Variants in SLC30A3 observed in about 807,000 individuals in gnomAD.
The protein encoded by SLC30A3 is solute carrier family 30 member 3.
Under a neutral mutation model 35.6 loss-of-function variants are expected in SLC30A3, and 20 were observed. The observed-to-expected ratio is 0.56, with a 90% CI of 0.39 to 0.82. SLC30A3 has a LOEUF of 0.82. Among genes scored for constraint, SLC30A3 ranks in the 40% least tolerant of loss-of-function variants. The probability of loss-of-function intolerance (pLI) is 0.00; values close to 1 mark genes in which losing one functional copy is unlikely to be tolerated. For missense variants in SLC30A3, 401 were observed against 530.6 expected (o/e 0.76, Z 2.40); for synonymous variants, 217 against 224.7 (o/e 0.97, Z 0.31).
chr2:27,265,314 C>T (rs866427781), upstream of SLC30A3, among the ~76,000 whole-genome samples: 4 of 152,214 alleles, frequency 2.6e-5, no homozygotes, highest in African/African-American at 9.6e-5. This position sits in a 1 kb window ranked among gnomAD's most constrained non-coding sequence, Gnocchi z 5.9. Context: ...AAACCGAGGG[C>T]GCCGGCGGTG....
rs868456261 is a variant in SLC30A3, at chr2:27,262,317, G to T, written c.95+495C>A. Among the ~76,000 whole-genome samples the T allele has an allele frequency of 6.6e-6, 1 of 151,786 alleles. No individual in the cohort carries two copies. The highest frequency in any genetic ancestry group is 6.6e-5 in the Admixed American group (1 of 15,226). On this transcript the variant is annotated intron_variant, in intron 1 of 7. Coordinates refer to ENST00000233535, the MANE Select transcript of SLC30A3 (RefSeq NM_003459.5). The surrounding 1 kb of genome is among the most constrained non-coding windows in gnomAD (Gnocchi z 7.5). ...CGCCCCCCAGGGGCCCGCAAGACCC[G>T]CGCGGAGCCCGGCCCATCCTCGGGC...
chr2:27,255,141 G>A lies in SLC30A3; in HGVS notation c.*171C>T, dbSNP rs763496798. 1 of 1,563,208 alleles carries A rather than the reference G, an allele frequency of 6.4e-7. No individual in the cohort carries two copies. The highest frequency in any genetic ancestry group is 8.6e-7 in the Non-Finnish European group (1 of 1,161,602). ...CCACTCCCCGCCACACTTTGGTCTT[G>A]CCCACTGGGGCTGGGGCTGGGGCTG... is the stretch of plus-strand genomic sequence containing the variant. On this transcript the variant is annotated 3_prime_UTR_variant, in exon 8 of 8. Transcript: ENST00000233535. This position sits in a 1 kb window ranked among gnomAD's most constrained non-coding sequence, Gnocchi z 5.2.
At chr2:27,275,572 G>A (rs1316681372), upstream of SLC30A3, 1 of 304,694 alleles carries the variant, frequency 3.3e-6, no homozygotes, top group Non-Finnish European at 6.4e-6. Flanking sequence ...CCAGACCCAG[G>A]TGAGGAGTCG....
In SLC30A3 at chr2:27,255,011, G is replaced by C. The variant is rs1676755506; in HGVS notation, c.*301C>G. The C allele has an allele frequency of 3.2e-6, 4 of 1,236,416 alleles. No homozygotes were observed. Among genetic ancestry groups the C allele is most frequent in the Non-Finnish European group, 4.2e-6 (4 of 948,548 alleles). 76.6% of individuals were successfully genotyped at this position (1,236,416 alleles called of 1,614,324 possible). ...GGAAAGGATGTTCGTGGCTCCACAT[G>C]AACCATGGGGAGATGGCACCACAGG... On this transcript the variant is annotated 3_prime_UTR_variant, in exon 8 of 8. Transcript: ENST00000233535. The surrounding 1 kb of genome is among the most constrained non-coding windows in gnomAD (Gnocchi z 5.2).
At position 27,258,382 on chromosome 2, in the gene SLC30A3, T is replaced by C; in HGVS notation, c.278-75A>G. On this transcript the variant is annotated intron_variant, in intron 2 of 7. Transcript: ENST00000233535. The surrounding 1 kb of genome is among the most constrained non-coding windows in gnomAD (Gnocchi z 4.0). ...AGTGTGTATAGGCATGGAAAATAAA[T>C]TGGGGGATATACACCAAAAATGTGA... 1 of 1,402,664 alleles carries C rather than the reference T, an allele frequency of 7.1e-7. No individual in the cohort carries two copies. The highest frequency in any genetic ancestry group is 9.4e-7 in the Non-Finnish European group (1 of 1,058,632). The allele number at this position is 1,402,664 out of a possible 1,614,324, so 86.9% of individuals were successfully genotyped here. A position where few individuals can be genotyped will look rare whatever the true frequency, so the allele number is the denominator to read the frequency against.
In SLC30A3 at chr2:27,255,239, G is replaced by C; in HGVS notation, c.*73C>G. 6.2e-7 allele frequency: 1 copy of C among 1,608,948 alleles called. No individual in the cohort carries two copies. The highest frequency in any genetic ancestry group is 1.1e-5 in the South Asian group (1 of 90,668). Reference sequence around the variant, plus strand: ...GGACCTGGCTCGGTCCCGTCTCTGTGATCAGGGCAGCAGATGCTGAGAGTC... The same window carrying C: ...GGACCTGGCTCGGTCCCGTCTCTGTCATCAGGGCAGCAGATGCTGAGAGTC... On this transcript the variant is annotated 3_prime_UTR_variant, in exon 8 of 8. Transcript: ENST00000233535. The surrounding 1 kb of genome is among the most constrained non-coding windows in gnomAD (Gnocchi z 5.2).
At chr2:27,274,576 C>A (rs1424289704) in intron 1 of SLC30A3, among the ~76,000 whole-genome samples, 4 of 151,700 alleles carry the variant, frequency 2.6e-5, no homozygotes, top group Admixed American at 2.6e-4. Flanking sequence ...GAAGGGAAGC[C>A]AGGTAGAGGC....
Position 27,254,788 on chromosome 2 carries a change from A to ACG in SLC30A3, c.*523_*524insCG. The ACG allele has an allele frequency of 3.6e-6, 1 of 280,310 alleles. No individual in the cohort carries two copies. Among genetic ancestry groups the ACG allele is most frequent in the Non-Finnish European group, 6.9e-6 (1 of 144,998 alleles). 17.4% of individuals were successfully genotyped at this position (280,310 alleles called of 1,614,324 possible). A position where few individuals can be genotyped will look rare whatever the true frequency, so the allele number is the denominator to read the frequency against. ...CACACACACACACACACACACACACACACACACACACAGACAAAACCACAG... is the reference window on the plus strand; with the variant it reads ...CACACACACACACACACACACACACACGCACACACACACAGACAAAACCACAG... On this transcript the variant is annotated 3_prime_UTR_variant, in exon 8 of 8. Coordinates refer to ENST00000233535, the MANE Select transcript of SLC30A3 (RefSeq NM_003459.5).
chr2:27,269,431 T>G (rs528056776), intron 1 of SLC30A3, among the ~76,000 whole-genome samples: 2 of 151,944 alleles, frequency 1.3e-5, no homozygotes, highest in Non-Finnish European at 2.9e-5. Context: ...ATGGTCTCGA[T>G]CTCCTGACCT....
upstream of SLC30A3, among the ~76,000 whole-genome samples, chr2:27,265,469 A>G (rs1677460348): frequency 6.6e-6 from 1 of 152,238 alleles, no homozygotes; most frequent in South Asian, 2.1e-4. This position sits in a 1 kb window ranked among gnomAD's most constrained non-coding sequence, Gnocchi z 5.9. Flanking sequence ...CTCAAGTGCG[A>G]TTCTCTGCAC....
intron 1 of SLC30A3, among the ~76,000 whole-genome samples, chr2:27,259,290 C>G (rs1170258463): frequency 6.6e-6 from 1 of 152,054 alleles, no homozygotes; most frequent in African/African-American, 2.4e-5. Flanking sequence ...GTCAGGAGAT[C>G]GAGACCATCC....
upstream of SLC30A3, among the ~76,000 whole-genome samples, chr2:27,266,205 G>A (rs1221280786): frequency 1.3e-5 from 2 of 152,192 alleles, no homozygotes; most frequent in Admixed American, 1.3e-4. Flanking sequence ...GACTACAGGT[G>A]TGAGCCACCA....
Position 27,257,909 on chromosome 2 carries a change from G to A in SLC30A3, c.574C>T (p.Leu192=). The A allele has an allele frequency of 6.2e-7, 1 of 1,613,746 alleles. No homozygotes were observed. The highest frequency in any genetic ancestry group is 2.2e-5 in the East Asian group (1 of 44,870). ...CTGCTCCATACTGGGACGTACAACAGGTTGGCACAGACTGCGATGCTGGCG... is the reference window on the plus strand; with the variant it reads ...CTGCTCCATACTGGGACGTACAACAAGTTGGCACAGACTGCGATGCTGGCG... ...LTASIAVCAN[L]LMAFVLHQAG... is the part of the protein sequence containing the mutation. Residue 192 remains leucine (L), a synonymous_variant, in exon 4 of 8, where the codon CTG becomes TTG. Coordinates refer to ENST00000233535, the MANE Select transcript of SLC30A3 (RefSeq NM_003459.5). This position sits in a 1 kb window ranked among gnomAD's most constrained non-coding sequence, Gnocchi z 4.7.
At chr2:27,261,000 G>A (rs1172549612) in intron 1 of SLC30A3, among the ~76,000 whole-genome samples, 1 of 152,202 alleles carries the variant, frequency 6.6e-6, no homozygotes, top group Non-Finnish European at 1.5e-5. Flanking sequence ...TTGATGCTAG[G>A]AGGGTTATGA....
upstream of SLC30A3, chr2:27,275,504 C>T: frequency 3.0e-6 from 1 of 333,814 alleles, no homozygotes; most frequent in South Asian, 2.3e-5. Flanking sequence ...TGAAGTTTCA[C>T]ACCCAAAAGG....
At chr2:27,275,418 G>A (rs999477864), upstream of SLC30A3, 15 of 365,788 alleles carry the variant, frequency 4.1e-5, no homozygotes, top group South Asian at 2.3e-4. Context: ...TTCCGGGGGC[G>A]CCAAAAAACG....
Position 27,258,262 on chromosome 2 carries a change from T to C in SLC30A3, c.323A>G (p.His108Arg). 1 of 1,554,556 alleles carries C rather than the reference T, an allele frequency of 6.4e-7. No homozygotes were observed. Among genetic ancestry groups the C allele is most frequent in the Non-Finnish European group, 8.7e-7 (1 of 1,147,960 alleles). ...HSLAIMTDAA[H>R]LLADVGSMMG... is the part of the protein sequence containing the mutation. ...CATGCTGCCCACATCCGCCAGCAAGTGGGCTGCATCGGTCATGATGGCCAG... is the reference window on the plus strand; with the variant it reads ...CATGCTGCCCACATCCGCCAGCAAGCGGGCTGCATCGGTCATGATGGCCAG... The change falls in exon 3 of 8, where the codon CAC becomes CGC. Residue 108 changes from histidine to arginine, a missense_variant. By Grantham distance (29) the His-to-Arg change is conservative. Coordinates refer to ENST00000233535, the MANE Select transcript of SLC30A3 (RefSeq NM_003459.5). The surrounding 1 kb of genome is among the most constrained non-coding windows in gnomAD (Gnocchi z 4.0).
upstream of SLC30A3, among the ~76,000 whole-genome samples, chr2:27,264,341 A>AAAAAC (rs1021344017): frequency 3.3e-5 from 5 of 152,204 alleles, no homozygotes; most frequent in Admixed American, 6.5e-5. The surrounding 1 kb of genome is among the most constrained non-coding windows in gnomAD (Gnocchi z 6.1). Context: ...GCACTTGCAA[A>AAAAAC]AAAACAAAAC....
upstream of SLC30A3, chr2:27,275,543 A>G (rs961327346): frequency 6.2e-6 from 2 of 320,592 alleles, no homozygotes; most frequent in African/African-American, 4.3e-5. Flanking sequence ...GCTTAAGAGA[A>G]CGACTCCCAG....
Sources: gnomAD v4.1 joint callset for allele counts (sites outside exome capture counted in the v4.1 genomes callset) on GRCh38, gnomAD v4.1.1 for gene constraint, Gnocchi (gnomAD v3.1) non-coding constraint, MANE v1.5 for transcripts, NCBI Gene and HGNC (gene_info 2026-07-23, HGNC 2026-07-21) for gene names.